NCKAP5: variants seen among roughly 807,000 people sequenced by gnomAD.
The protein encoded by NCKAP5 is NCK associated protein 5, also known as nck-associated protein 5.
In NCKAP5, 92 loss-of-function variants were observed where a neutral mutation model predicts 167.0. The observed-to-expected ratio is 0.55, with a 90% CI of 0.47 to 0.66. NCKAP5 has a LOEUF of 0.66. NCKAP5 is among the 30% of genes least tolerant of loss of function. The probability of loss-of-function intolerance (pLI) is 0.00; values close to 1 mark genes in which losing one functional copy is unlikely to be tolerated. For synonymous variants in NCKAP5, 891 were observed against 877.4 expected (o/e 1.02, Z -0.27); for missense variants, 2,378 against 2,315.0 (o/e 1.03, Z -0.56).
the NCKAP5 span, among the ~76,000 whole-genome samples, chr2:133,660,625 A>G: frequency 6.6e-6 from 1 of 152,332 alleles, no homozygotes; most frequent in African/African-American, 2.4e-5. Context: ...CCAAAGATGG[A>G]TTATGAAGAG....
At chr2:132,920,745 G>GTA (rs1212349630) in intron 8 of NCKAP5, among the ~76,000 whole-genome samples, 7 of 64,692 alleles carry the variant, frequency 1.1e-4, no homozygotes, top group East Asian at 5.0e-4. Context: ...ATATATATGT[G>GTA]TATATATATA....
chr2:132,915,473 T>C (rs1694792111), intron 8 of NCKAP5: 2 of 152,126 alleles, frequency 1.3e-5, no homozygotes, highest in South Asian at 4.2e-4. Context: ...AGCAAGGTGA[T>C]TGCAAACCAA....
the NCKAP5 span, among the ~76,000 whole-genome samples, chr2:133,615,364 A>C: frequency 3.7e-4 from 56 of 151,730 alleles, no homozygotes; most frequent in Middle Eastern, 3.4e-3. Flanking sequence ...CAAATTGGAT[A>C]AAGAGTCAAG....
In NCKAP5 at chr2:132,730,221, C is replaced by T. The variant is rs530418121; in HGVS notation, c.5444-1269G>A. Among the ~76,000 whole-genome samples, 21 of 152,274 alleles carry T rather than the reference C, an allele frequency of 1.4e-4. No homozygotes were observed. The East Asian group carries it at 1.7e-3, about 13-fold the overall frequency. On this transcript the variant is annotated intron_variant, in intron 17 of 19. Transcript: ENST00000409261. ...TTAAGATAGAACCCAAAGCCAGGTG[C>T]GGTGGCTCATGACTGTAATCCCAGC...
chr2:132,972,527 C>A lies in NCKAP5; in HGVS notation c.430-8658G>T, dbSNP rs548472543. ...GATCATGAGGTTAAGAGATTGAGAC[C>A]ATCCTGGCCACCATGGTGAAACACC... On this transcript the variant is annotated intron_variant, in intron 7 of 19. Coordinates refer to ENST00000409261, the MANE Select transcript of NCKAP5 (RefSeq NM_207363.3). 7.9e-5 allele frequency among the ~76,000 whole-genome samples: 12 copies of A among 151,912 alleles called. No individual in the cohort carries two copies. The South Asian group carries it at 2.5e-3, about 32-fold the overall frequency.
chr2:132,814,820 C>G (rs1239051292), intron 11 of NCKAP5, among the ~76,000 whole-genome samples: 2 of 152,140 alleles, frequency 1.3e-5, no homozygotes, highest in Admixed American at 6.5e-5. Context: ...AGAAATTTCA[C>G]TAAAAAGGCA....
chr2:133,582,025 A>G, the NCKAP5 span, among the ~76,000 whole-genome samples: 1 of 152,242 alleles, frequency 6.6e-6, no homozygotes, highest in African/African-American at 2.4e-5. Context: ...AAAAAAATTA[A>G]AATACCTCTT....
chr2:133,180,478 C>A (rs1241291060), intron 5 of NCKAP5, among the ~76,000 whole-genome samples: 1 of 152,006 alleles, frequency 6.6e-6, no homozygotes, highest in East Asian at 1.9e-4. Context: ...CTGGAGACTA[C>A]AGGAACACAC....
At chr2:133,006,909 C>G (rs2077988784) in intron 6 of NCKAP5, among the ~76,000 whole-genome samples, 1 of 152,214 alleles carries the variant, frequency 6.6e-6, no homozygotes, top group African/African-American at 2.4e-5. Context: ...GCCAACAGCA[C>G]ATTCTTCACT....
At chr2:133,333,971 C>T (rs1370094229) in intron 3 of NCKAP5, 1 of 152,132 alleles carries the variant, frequency 6.6e-6, no homozygotes, top group Non-Finnish European at 1.5e-5. Flanking sequence ...TTTGCAACCT[C>T]CTATGTGCAT....
At chr2:132,927,780 A>C (rs1300979481) in intron 8 of NCKAP5, among the ~76,000 whole-genome samples, 1 of 152,068 alleles carries the variant, frequency 6.6e-6, no homozygotes, top group Non-Finnish European at 1.5e-5. Flanking sequence ...AGACATCGTT[A>C]GGGTTTTCTA....
chr2:133,584,167 C>T, the NCKAP5 span, among the ~76,000 whole-genome samples: 1 of 152,174 alleles, frequency 6.6e-6, no homozygotes, highest in African/African-American at 2.4e-5. Context: ...TTCCATATTC[C>T]TAGGATAGTT....
intron 5 of NCKAP5, among the ~76,000 whole-genome samples, chr2:133,209,563 G>A (rs531381433): frequency 1.8e-4 from 27 of 151,558 alleles, no homozygotes; most frequent in African/African-American, 5.3e-4. Flanking sequence ...TTTCAAGCTC[G>A]CATTACTTCT....
intron 19 of NCKAP5, among the ~76,000 whole-genome samples, chr2:132,691,493 C>T (rs57987015): frequency 0.055 from 8,354 of 152,214 alleles, 731 homozygotes; most frequent in African/African-American, 0.18. Context: ...TCCTTCAGGG[C>T]CTTTGCACTT....
intron 8 of NCKAP5, among the ~76,000 whole-genome samples, chr2:132,913,749 C>T (rs1295462489): frequency 6.6e-6 from 1 of 152,032 alleles, no homozygotes; most frequent in Non-Finnish European, 1.5e-5. Flanking sequence ...TTTGAATAAA[C>T]AAGACTTCAA....
chr2:133,540,531 GGA>G (rs1462425766), intron 2 of NCKAP5, among the ~76,000 whole-genome samples: 1 of 152,092 alleles, frequency 6.6e-6, no homozygotes, highest in African/African-American at 2.4e-5. Context: ...AAATAATGAA[GGA>G]TATACTTTAG....
At chr2:133,503,701 A>T (rs1232270371) in intron 3 of NCKAP5, among the ~76,000 whole-genome samples, 2 of 152,222 alleles carry the variant, frequency 1.3e-5, no homozygotes, top group Non-Finnish European at 2.9e-5. Context: ...AAAAAGGAGG[A>T]ACCATCTTCC....
intron 5 of NCKAP5, among the ~76,000 whole-genome samples, chr2:133,171,007 T>C (rs1192690303): frequency 6.6e-6 from 1 of 152,158 alleles, no homozygotes; most frequent in African/African-American, 2.4e-5. Context: ...TATATTACCA[T>C]ACTGGCGATA....
the NCKAP5 span, among the ~76,000 whole-genome samples, chr2:133,588,013 T>C: frequency 9.8e-4 from 149 of 151,966 alleles, no homozygotes; most frequent in African/African-American, 3.5e-3. Context: ...AAATAGAAAC[T>C]GTTAAAATAG....
Sources: allele counts gnomAD v4.1 joint callset (sites outside exome capture counted in the v4.1 genomes callset), GRCh38; gene constraint gnomAD v4.1.1; transcripts MANE v1.5; gene names NCBI Gene and HGNC (gene_info 2026-07-23, HGNC 2026-07-21).